Variants in TMEM117 observed in about 807,000 individuals in gnomAD.
TMEM117 encodes transmembrane protein 117.
A neutral mutation model predicts 52.4 loss-of-function variants in TMEM117; 27 were observed. That is an observed-to-expected ratio of 0.51 (90% CI 0.38 to 0.71). TMEM117 has a LOEUF of 0.71. Among genes scored for constraint, TMEM117 ranks in the 30% least tolerant of loss-of-function variants. The probability of loss-of-function intolerance (pLI) is 0.00; values close to 1 mark genes in which losing one functional copy is unlikely to be tolerated. For synonymous variants in TMEM117, 215 were observed against 206.3 expected (o/e 1.04, Z -0.36); for missense variants, 556 against 630.5 (o/e 0.88, Z 1.26).
intron 4 of TMEM117, among the ~76,000 whole-genome samples, chr12:44,175,656 T>C (rs1426211997): frequency 6.6e-6 from 1 of 152,122 alleles, no homozygotes; most frequent in African/African-American, 2.4e-5. Flanking sequence ...AAAGGCCCAA[T>C]GAATACCACC....
intron 5 of TMEM117, among the ~76,000 whole-genome samples, chr12:44,239,668 C>A (rs981553592): frequency 1.3e-5 from 2 of 152,024 alleles, no homozygotes; most frequent in Non-Finnish European, 1.5e-5. Flanking sequence ...ACATTTGATG[C>A]TTTTCACGCC....
chr12:44,064,037 G>C (rs1465974048), intron 3 of TMEM117, among the ~76,000 whole-genome samples: 1 of 151,972 alleles, frequency 6.6e-6, no homozygotes, highest in South Asian at 2.1e-4. Context: ...TGGGCCTCCT[G>C]GGGGGTCTCC....
intron 3 of TMEM117, among the ~76,000 whole-genome samples, chr12:43,984,347 G>A (rs1404950407): frequency 2.0e-5 from 3 of 148,106 alleles, no homozygotes; most frequent in African/African-American, 5.0e-5. Context: ...CAGCCTGGGC[G>A]ACAGAGTGAG....
chr12:44,328,925 G>C (rs867411033), intron 6 of TMEM117, among the ~76,000 whole-genome samples: 2 of 151,954 alleles, frequency 1.3e-5, no homozygotes, highest in African/African-American at 4.8e-5. Flanking sequence ...AATAAGACAA[G>C]TCTTGGATAG....
chr12:43,874,358 A>G (rs1012678011), intron 2 of TMEM117, among the ~76,000 whole-genome samples: 2 of 151,932 alleles, frequency 1.3e-5, no homozygotes, highest in African/African-American at 4.8e-5. Flanking sequence ...AGGTGGGTGG[A>G]TCACTTGAGG....
chr12:44,344,250 T>A (rs546541353), intron 6 of TMEM117, among the ~76,000 whole-genome samples: 3 of 152,150 alleles, frequency 2.0e-5, no homozygotes, highest in Middle Eastern at 3.4e-3. Flanking sequence ...TGTTTTTATA[T>A]CCCTAGAGGA....
At chr12:43,984,600 G>A (rs1441017695) in intron 3 of TMEM117, among the ~76,000 whole-genome samples, 1 of 151,974 alleles carries the variant, frequency 6.6e-6, no homozygotes, top group African/African-American at 2.4e-5. Context: ...TTGAATTCTG[G>A]GTGGAATAAA....
At chr12:44,290,032 C>T (rs1433715802) in intron 5 of TMEM117, among the ~76,000 whole-genome samples, 2 of 152,162 alleles carry the variant, frequency 1.3e-5, no homozygotes, top group African/African-American at 4.8e-5. Flanking sequence ...ATTCACACCC[C>T]TTGCCCATTT....
intron 3 of TMEM117, among the ~76,000 whole-genome samples, chr12:44,081,963 A>G (rs1947488105): frequency 6.6e-6 from 1 of 152,046 alleles, no homozygotes; most frequent in African/African-American, 2.4e-5. Context: ...AGTTTAGAAC[A>G]GACAGGTATA....
intron 5 of TMEM117, among the ~76,000 whole-genome samples, chr12:44,274,501 T>C (rs926084047): frequency 1.8e-4 from 27 of 152,198 alleles, no homozygotes; most frequent in African/African-American, 6.3e-4. Context: ...GCCAAAGCTA[T>C]ATTAAGCAAA....
chr12:44,018,903 A>G (rs1213503219), intron 3 of TMEM117, among the ~76,000 whole-genome samples: 2 of 151,894 alleles, frequency 1.3e-5, no homozygotes, highest in Non-Finnish European at 1.5e-5. Context: ...TATTTTTAGT[A>G]GAGATGGGGT....
chr12:44,191,187 C>T (rs118153999), intron 4 of TMEM117, among the ~76,000 whole-genome samples: 446 of 151,958 alleles, frequency 2.9e-3, no homozygotes, highest in Non-Finnish European at 5.2e-3. Context: ...TTATAAAATC[C>T]ATCAGATCTC....
intron 5 of TMEM117, among the ~76,000 whole-genome samples, chr12:44,297,221 A>C (rs908923856): frequency 2.6e-5 from 4 of 152,182 alleles, no homozygotes; most frequent in African/African-American, 9.7e-5. Flanking sequence ...CCTCTGAATA[A>C]ATATTTAATT....
intron 7 of TMEM117, among the ~76,000 whole-genome samples, chr12:44,381,411 A>G (rs1952018419): frequency 3.3e-5 from 5 of 152,138 alleles, no homozygotes; most frequent in Admixed American, 3.3e-4. Flanking sequence ...TGAGAGAGGA[A>G]TGGCCTCTCA....
At chr12:44,262,178 A>C (rs543415859) in intron 5 of TMEM117, among the ~76,000 whole-genome samples, 2 of 152,310 alleles carry the variant, frequency 1.3e-5, no homozygotes, top group Admixed American at 1.3e-4. Flanking sequence ...ACTATAGTCA[A>C]TAGGCTAAAA....
At chr12:43,851,430 A>G (rs1943305990) in intron 2 of TMEM117, among the ~76,000 whole-genome samples, 1 of 152,170 alleles carries the variant, frequency 6.6e-6, no homozygotes, top group South Asian at 2.1e-4. Context: ...ATACTCTTCC[A>G]GTACCTCTCT....
intron 6 of TMEM117, among the ~76,000 whole-genome samples, chr12:44,357,050 A>G (rs1031641200): frequency 2.6e-5 from 4 of 152,236 alleles, no homozygotes; most frequent in Middle Eastern, 3.4e-3. Context: ...GCCATATTGG[A>G]CTTCTCACTG....
chr12:44,027,509 G>C (rs970992267), intron 3 of TMEM117, among the ~76,000 whole-genome samples: 2 of 152,064 alleles, frequency 1.3e-5, no homozygotes, highest in Non-Finnish European at 2.9e-5. Context: ...TTTAAAAGAG[G>C]ATAGAATAGG....
chr12:43,878,654 G>A (rs905790064), intron 2 of TMEM117, among the ~76,000 whole-genome samples: 5 of 152,110 alleles, frequency 3.3e-5, no homozygotes, highest in African/African-American at 1.2e-4. Flanking sequence ...TTGTCTTTCT[G>A]AAGGAGAGAA....
Sources: allele counts gnomAD v4.1 joint callset (sites outside exome capture counted in the v4.1 genomes callset), GRCh38; gene constraint gnomAD v4.1.1; transcripts MANE v1.5; gene names NCBI Gene and HGNC (gene_info 2026-07-23, HGNC 2026-07-21).